The following PPP2R2C variants were observed in gnomAD, a reference collection of about 807,000 sequenced individuals.
PPP2R2C encodes the protein protein phosphatase 2, regulatory subunit B, gamma.
Under a neutral mutation model 45.3 loss-of-function variants are expected in PPP2R2C, and 10 were observed. The observed-to-expected ratio is 0.22, with a 90% confidence interval of 0.14 to 0.37. The LOEUF is 0.37. Among genes scored for constraint, PPP2R2C ranks in the 10% least tolerant of loss-of-function variants. The pLI is 1.00. For missense variants in PPP2R2C, 308 were observed against 619.7 expected (o/e 0.50, Z 5.34); for synonymous variants, 257 against 245.4 (o/e 1.05, Z -0.44).
intron 1 of PPP2R2C, among the ~76,000 whole-genome samples, chr4:6,541,758 A>C (rs11733237): frequency 0.11 from 16,212 of 152,132 alleles, 1,140 homozygotes; most frequent in Non-Finnish European, 0.17. Flanking sequence ...TCAAACTCCT[A>C]GCCTCAAGTG....
At chr4:6,556,113 C>T (rs189419321) in intron 1 of PPP2R2C, among the ~76,000 whole-genome samples, 1 of 152,130 alleles carries the variant, frequency 6.6e-6, no homozygotes, top group Non-Finnish European at 1.5e-5. Context: ...GCATGGGGCA[C>T]GTGGGGGTTC....
At chr4:6,373,536 G>A (rs906425765) in intron 4 of PPP2R2C, among the ~76,000 whole-genome samples, 15 of 152,308 alleles carry the variant, frequency 9.8e-5, no homozygotes, top group African/African-American at 3.1e-4. Context: ...GATCAGCTAC[G>A]GGAGCAAGGC....
At chr4:6,447,062 G>A (rs941128121) in intron 1 of PPP2R2C, among the ~76,000 whole-genome samples, 1 of 152,130 alleles carries the variant, frequency 6.6e-6, no homozygotes, top group African/African-American at 2.4e-5. Context: ...GTGGCTGGCA[G>A]CAGCCCAAGA....
intron 6 of PPP2R2C, among the ~76,000 whole-genome samples, chr4:6,335,489 C>A (rs148456606): frequency 3.3e-5 from 5 of 152,130 alleles, no homozygotes; most frequent in African/African-American, 1.2e-4. Flanking sequence ...AACAGGGACG[C>A]AAGGGGCCAC....
intron 1 of PPP2R2C, among the ~76,000 whole-genome samples, chr4:6,449,517 T>G (rs1373190204): frequency 6.6e-6 from 1 of 152,248 alleles, no homozygotes; most frequent in Non-Finnish European, 1.5e-5. Flanking sequence ...ACGTGAGACA[T>G]GCGGACCCCC....
chr4:6,549,142 T>C (rs1725094710), intron 1 of PPP2R2C, among the ~76,000 whole-genome samples: 1 of 152,180 alleles, frequency 6.6e-6, no homozygotes, highest in Admixed American at 6.5e-5. Flanking sequence ...TGCTCACTCC[T>C]ACACTGCAGT....
At chr4:6,525,814 C>T (rs1443456880) in intron 2 of PPP2R2C, among the ~76,000 whole-genome samples, 1 of 152,174 alleles carries the variant, frequency 6.6e-6, no homozygotes. Flanking sequence ...AGTGATTCTC[C>T]CGCCTCAGCC....
exon 2 of PPP2R2C, chr4:6,535,271 C>T: frequency 2.0e-6 from 3 of 1,535,358 alleles, no homozygotes; most frequent in East Asian, 2.4e-5. Context: ...GGCTTCTTAC[C>T]GGAAACTTCC....
chr4:6,563,303 C>T lies in PPP2R2C; in HGVS notation c.-59+257G>A, dbSNP rs1287468314. On this transcript the variant is annotated intron_variant, in intron 1 of 9. Transcript: ENST00000506140. This position sits in a 1 kb window ranked among gnomAD's most constrained non-coding sequence, Gnocchi z 5.8. The stretch of plus-strand genomic sequence containing the variant: ...GTTCCCTCAAGACCCCGAGAGCACG[C>T]GCTCCGGAGGGACCCCGGCACTTCG... Among the ~76,000 whole-genome samples the T allele has an allele frequency of 2.0e-5, 3 of 152,118 alleles. No individual in the cohort carries two copies. The highest frequency in any genetic ancestry group is 4.4e-5 in the Non-Finnish European group (3 of 67,994).
chr4:6,375,670 G>A, intron 4 of PPP2R2C, 149 bp downstream of exon 4: 1 of 642,538 alleles, frequency 1.6e-6, no homozygotes, highest in African/African-American at 1.8e-5. Flanking sequence ...GAGGCAAGGG[G>A]CAGGAAGACG....
chr4:6,350,288 C>T (rs188873183), intron 5 of PPP2R2C: 105 of 985,482 alleles, frequency 1.1e-4, no homozygotes, highest in East Asian at 1.0e-3. Flanking sequence ...TTCCAGGACA[C>T]GCTGCCCGCT....
intron 2 of PPP2R2C, among the ~76,000 whole-genome samples, chr4:6,533,982 T>A (rs1214175778): frequency 7.0e-6 from 1 of 142,656 alleles, no homozygotes; most frequent in Non-Finnish European, 1.5e-5. Flanking sequence ...CCAATACACA[T>A]ACCCCAAACA....
chr4:6,374,357 A>C (rs1300413503), intron 4 of PPP2R2C, among the ~76,000 whole-genome samples: 3 of 152,180 alleles, frequency 2.0e-5, no homozygotes, highest in Non-Finnish European at 2.9e-5. Flanking sequence ...TTTTTAGTAA[A>C]GAGAAGAAGA....
intron 5 of PPP2R2C, among the ~76,000 whole-genome samples, chr4:6,362,285 C>A (rs772508282): frequency 7.9e-5 from 12 of 152,090 alleles, no homozygotes; most frequent in Non-Finnish European, 1.6e-4. Flanking sequence ...CTGGGAGTGG[C>A]AGGACCCATC....
chr4:6,382,692 C>A (rs1715930132), intron 1 of PPP2R2C: 1 of 379,932 alleles, frequency 2.6e-6, no homozygotes, highest in Non-Finnish European at 4.5e-6. Context: ...CACACACACA[C>A]ACACACACAC....
intron 2 of PPP2R2C, chr4:6,535,260 G>A (rs1359454117): frequency 1.1e-5 from 17 of 1,535,182 alleles, no homozygotes; most frequent in Admixed American, 9.8e-5. Flanking sequence ...CTGTGAGAAC[G>A]GGCTTCTTAC....
intron 5 of PPP2R2C, among the ~76,000 whole-genome samples, chr4:6,357,530 C>T (rs541645348): frequency 1.1e-4 from 17 of 152,352 alleles, no homozygotes; most frequent in South Asian, 8.3e-4. Context: ...GAAAGCCCCA[C>T]GCACAGTGGA....
At chr4:6,415,157 CCTTCT>C (rs1259491984) in intron 1 of PPP2R2C, among the ~76,000 whole-genome samples, 1 of 152,216 alleles carries the variant, frequency 6.6e-6, no homozygotes, top group Admixed American at 6.5e-5. Context: ...CCTGCCAGGG[CCTTCT>C]CTCTTGGAGG....
chr4:6,485,187 G>T (rs1722491083), intron 2 of PPP2R2C, among the ~76,000 whole-genome samples: 1 of 151,878 alleles, frequency 6.6e-6, no homozygotes. Context: ...TTTATAAATT[G>T]TTAATATGGT....
Sources: allele counts gnomAD v4.1 joint callset (sites outside exome capture counted in the v4.1 genomes callset), GRCh38; gene constraint gnomAD v4.1.1; non-coding constraint Gnocchi (gnomAD v3.1); transcripts MANE v1.5; gene names NCBI Gene and HGNC (gene_info 2026-07-23, HGNC 2026-07-21).